Variants in ITGAM observed in about 807,000 individuals in gnomAD.
The protein encoded by ITGAM is integrin subunit alpha M.
A neutral mutation model predicts 137.5 loss-of-function variants in ITGAM; 79 were observed. The ratio of observed to expected loss-of-function variants is 0.57; its 90% CI spans 0.48 to 0.69. The LOEUF is 0.69. Among genes scored for constraint, ITGAM ranks in the 30% least tolerant of loss-of-function variants. ITGAM has a pLI of 0.00. For synonymous variants in ITGAM, 583 were observed against 592.3 expected (o/e 0.98, Z 0.23); for missense variants, 1,343 against 1,483.5 (o/e 0.91, Z 1.56).
Position 31,272,001 on chromosome 16 carries a change from C to T in ITGAM, c.704+9C>T, listed in dbSNP as rs748960114. The T allele has an allele frequency of 1.7e-5, 28 of 1,613,802 alleles. No homozygotes were observed. The African/African-American group carries it at 1.7e-4, about 10-fold the overall frequency. On this transcript the variant is annotated intron_variant, in intron 7 of 29. Transcript: ENST00000544665. ...GGCATCCGCAAAGTGGTGTAAGCTT[C>T]CCCTTTTCCCTTAGGATGGAGGGAG...
intron 9 of ITGAM, 151 bp from the exon 10 acceptor site, chr16:31,276,520 C>T (rs965870878): frequency 8.7e-5 from 52 of 594,540 alleles, no homozygotes; most frequent in Middle Eastern, 4.5e-4. Flanking sequence ...TTAGTAGAGA[C>T]GGGGTTTCAC....
intron 14 of ITGAM, among the ~76,000 whole-genome samples, chr16:31,303,094 C>T (rs557045261): frequency 2.0e-5 from 3 of 151,068 alleles, no homozygotes; most frequent in Admixed American, 6.6e-5. Context: ...AGTGCAGTGA[C>T]GAGATCATGG....
intron 3 of ITGAM, 51 bp from the exon 4 acceptor site, chr16:31,265,760 G>GC: frequency 6.5e-7 from 1 of 1,538,662 alleles, no homozygotes; most frequent in Non-Finnish European, 8.9e-7. Flanking sequence ...CTCTTCCACA[G>GC]CCTTCTCTGT....
intron 14 of ITGAM, among the ~76,000 whole-genome samples, chr16:31,301,579 C>T (rs750362117): frequency 1.3e-5 from 2 of 152,118 alleles, no homozygotes; most frequent in African/African-American, 4.8e-5. Context: ...TTGGCACATA[C>T]TTATAAAAGC....
At chr16:31,290,076 C>T (rs1487982940) in intron 12 of ITGAM, among the ~76,000 whole-genome samples, 2 of 120,882 alleles carry the variant, frequency 1.7e-5, no homozygotes, top group South Asian at 2.7e-4. Flanking sequence ...TGTGAAACTC[C>T]ATCCAAAAAA....
rs915213470 is a variant in ITGAM at position 31,289,771 on chromosome 16, C to T, written c.1357-7743C>T. Among the ~76,000 whole-genome samples, 9 of 151,910 alleles carry T rather than the reference C, an allele frequency of 5.9e-5. No individual in the cohort carries two copies. The South Asian group carries it at 6.2e-4, about 10-fold the overall frequency. ...AAAGTATAATAAAAAAATAAATTTCCGATTGTTTAGGGATATAGAAATACA... is the reference window on the plus strand; with the variant it reads ...AAAGTATAATAAAAAAATAAATTTCTGATTGTTTAGGGATATAGAAATACA... On this transcript the variant is annotated intron_variant, in intron 12 of 29. Coordinates refer to ENST00000544665, the MANE Select transcript of ITGAM (RefSeq NM_000632.4).
intron 23 of ITGAM, 197 bp from the exon 24 acceptor site, chr16:31,329,031 T>A (rs1188053279): frequency 2.4e-5 from 15 of 636,980 alleles, no homozygotes; most frequent in Non-Finnish European, 4.2e-5. Context: ...TGTGTGTGAG[T>A]GGCCCAAATG....
chr16:31,282,102 G>A (rs563643765), intron 12 of ITGAM, among the ~76,000 whole-genome samples: 1 of 152,256 alleles, frequency 6.6e-6, no homozygotes, highest in East Asian at 1.9e-4. Flanking sequence ...TATAATTTCT[G>A]TTCTTTTACA....
intron 14 of ITGAM, among the ~76,000 whole-genome samples, chr16:31,310,978 C>T (rs925568391): frequency 2.6e-5 from 4 of 151,970 alleles, no homozygotes; most frequent in African/African-American, 4.8e-5. Context: ...GAAATAGTGC[C>T]GCATATCTAC....
At chr16:31,312,895 C>G (rs368381182) in intron 14 of ITGAM, among the ~76,000 whole-genome samples, 116 of 131,044 alleles carry the variant, frequency 8.9e-4, no homozygotes, top group African/African-American at 3.3e-3. Context: ...TTTTTTAAAT[C>G]TTCATGTTTT....
In ITGAM at chr16:31,321,283, G is replaced by T; in HGVS notation, c.1750G>T (p.Gly584Cys). ...GCTCTCTCCCAGGCTCCAGTATTTT[G>T]GTCAGTCACTGAGTGGGGGCCAGGA... The part of the protein sequence containing the change: ...SKLSPRLQYF[G>C]QSLSGGQDLT... Residue 584 changes from glycine to cysteine, a missense_variant, in exon 15 of 30, where the codon GGT becomes TGT. Physicochemically the swap from Gly to Cys is radical, Grantham distance 159 (BLOSUM62 -3). Coordinates refer to ENST00000544665, the MANE Select transcript of ITGAM (RefSeq NM_000632.4). 1 of 1,613,916 alleles carries T rather than the reference G, an allele frequency of 6.2e-7. No individual in the cohort carries two copies. Among genetic ancestry groups the T allele is most frequent in the Non-Finnish European group, 8.5e-7 (1 of 1,179,866 alleles).
chr16:31,290,080 C>CAAAAAAAAAAA (rs780127045), intron 12 of ITGAM, among the ~76,000 whole-genome samples: 4 of 56,104 alleles, frequency 7.1e-5, no homozygotes, highest in African/African-American at 9.7e-5. Context: ...AAACTCCATC[C>CAAAAAAAAAAA]AAAAAAAAAA....
intron 14 of ITGAM, among the ~76,000 whole-genome samples, chr16:31,302,462 T>TCTTTCTTTCTTC (rs1567268047): frequency 2.1e-5 from 2 of 94,502 alleles, no homozygotes; most frequent in African/African-American, 1.3e-4. Flanking sequence ...TTCCTTCCTT[T>TCTTTCTTTCTTC]CTTTCTTTCT....
chr16:31,331,803 G>C lies in ITGAM; in HGVS notation c.*96G>C. On this transcript the variant is annotated 3_prime_UTR_variant, in exon 30 of 30. Coordinates refer to ENST00000544665, the MANE Select transcript of ITGAM (RefSeq NM_000632.4). ...GCTGCTGGACACGTCGGACAGCGAA[G>C]TATCCCCGACAGGACGGGCTTGGGC... 1 of 953,472 alleles carries C rather than the reference G, an allele frequency of 1.0e-6. No individual in the cohort carries two copies. Among genetic ancestry groups the C allele is most frequent in the South Asian group, 1.6e-5 (1 of 61,718 alleles). The allele number at this position is 953,472 out of a possible 1,614,324, so 59.1% of individuals were successfully genotyped here.
Position 31,331,195 on chromosome 16 carries a change from C to T in ITGAM, c.3307C>T (p.Pro1103Ser). Residue 1103 changes from proline (P) to serine (S), a missense_variant, in exon 29 of 30, where the codon CCC (proline) becomes TCC (serine). By Grantham distance (74) the Pro-to-Ser change is moderately conservative (BLOSUM62 -1). Coordinates refer to ENST00000544665, the MANE Select transcript of ITGAM (RefSeq NM_000632.4). Reference sequence around the variant, plus strand: ...GACCAAAGTGGAGCCGTTCGAGGTCCCCAACCCCCTGCCGCTCATCGTGGG... The same window carrying T: ...GACCAAAGTGGAGCCGTTCGAGGTCTCCAACCCCCTGCCGCTCATCGTGGG... ...TETKVEPFEVPNPLPLIVGSS... is the reference protein window; with the variant it reads ...TETKVEPFEVSNPLPLIVGSS... 2 of 1,613,042 alleles carry T rather than the reference C, an allele frequency of 1.2e-6. No individual in the cohort carries two copies. Among genetic ancestry groups the T allele is most frequent in the Middle Eastern group, 1.7e-4 (1 of 6,038 alleles).
Position 31,266,168 on chromosome 16 carries a change from G to A in ITGAM, c.427+21G>A, listed in dbSNP as rs774385521. The A allele has an allele frequency of 2.6e-6, 4 of 1,531,284 alleles. No individual in the cohort carries two copies. In the African/African-American group the frequency reaches 5.5e-5, roughly 21 times the overall value. The allele number at this position is 1,531,284 out of a possible 1,614,324, so 94.9% of individuals were successfully genotyped here. ...CCGAGGTGGGTTGCCTTTGGCAGAG[G>A]GAACAGATGCGCAGCAAAAGACCAG... On this transcript the variant is annotated intron_variant, in intron 5 of 29. Coordinates refer to ENST00000544665, the MANE Select transcript of ITGAM (RefSeq NM_000632.4).
intron 9 of ITGAM, 119 bp downstream of exon 9, chr16:31,275,818 C>T: frequency 1.1e-6 from 1 of 894,428 alleles, no homozygotes; most frequent in South Asian, 1.7e-5. Flanking sequence ...TCAACTCTCT[C>T]CACTTCCTAC....
rs780601475 is a variant in ITGAM at position 31,260,779 on chromosome 16, G to A, written c.28+687G>A. 1.8e-4 allele frequency among the ~76,000 whole-genome samples: 28 copies of A among 152,290 alleles called. 1 individual carries two copies. Among genetic ancestry groups the A allele is most frequent in the Admixed American group, 9.2e-4 (14 of 15,286 alleles). ...GTCAGGAGTCAGCAAACAGTGGCCT[G>A]GGGGCCCGATATGGCCCACGACCTG... On this transcript the variant is annotated intron_variant, in intron 1 of 29. Coordinates refer to ENST00000544665, the MANE Select transcript of ITGAM (RefSeq NM_000632.4).
At chr16:31,283,809 T>A (rs1013126484) in intron 12 of ITGAM, among the ~76,000 whole-genome samples, 2 of 152,214 alleles carry the variant, frequency 1.3e-5, no homozygotes, top group African/African-American at 4.8e-5. Flanking sequence ...GTGCTCTGAT[T>A]TTTAAAATTT....
Sources: gnomAD v4.1 joint callset for allele counts (sites outside exome capture counted in the v4.1 genomes callset) on GRCh38, gnomAD v4.1.1 for gene constraint, MANE v1.5 for transcripts, NCBI Gene and HGNC (gene_info 2026-07-23, HGNC 2026-07-21) for gene names.